The following PRCC variants were observed in gnomAD, a reference collection of about 807,000 sequenced individuals.
PRCC encodes the protein proline-rich protein PRCC.
In PRCC, 10 loss-of-function variants were observed where a neutral mutation model predicts 44.0. The observed-to-expected ratio is 0.23, with a 90% confidence interval of 0.14 to 0.39. The LOEUF (loss-of-function observed/expected upper bound fraction) is 0.39, where lower values mean the gene tolerates loss of function less well. PRCC is among the 10% of genes least tolerant of loss of function. The probability of loss-of-function intolerance (pLI) is 1.00; values close to 1 mark genes in which losing one functional copy is unlikely to be tolerated. For synonymous variants in PRCC, 278 were observed against 259.5 expected (o/e 1.07, Z -0.69); for missense variants, 573 against 624.7 (o/e 0.92, Z 0.88).
intron 4 of PRCC, among the ~76,000 whole-genome samples, chr1:156,793,237 G>A (rs747822554): frequency 6.6e-6 from 1 of 152,150 alleles, no homozygotes; most frequent in Non-Finnish European, 1.5e-5. Flanking sequence ...GTTTCTTTGG[G>A]AACCAACTAA....
chr1:156,786,649 A>G lies in PRCC; in HGVS notation c.558A>G (p.Gln186=), dbSNP rs1264749907. ...EGTGLSALLP[Q]PKNLTVKETN... ...CTGGTTTGTCTGCCTTGCTTCCCCA[A>G]CCTAAAAACCTGACTGTGAAAGAGA... The change falls in exon 3 of 7, where the codon CAA becomes CAG. Residue 186 remains glutamine (Q), a synonymous_variant. Coordinates refer to ENST00000271526, the MANE Select transcript of PRCC (RefSeq NM_005973.5). The G allele has an allele frequency of 1.9e-6, 3 of 1,613,570 alleles. No homozygotes were observed. Among genetic ancestry groups the G allele is most frequent in the Admixed American group, 1.7e-5 (1 of 59,974 alleles).
intron 3 of PRCC, among the ~76,000 whole-genome samples, chr1:156,787,648 G>A (rs7411670): frequency 1.1e-4 from 1 of 9,068 alleles, no homozygotes; most frequent in African/African-American, 2.4e-4. Context: ...TAGGTTTTTG[G>A]CCTTTTTTTT....
At chr1:156,791,590 T>C in intron 3 of PRCC, 107 bp from the exon 4 acceptor site, 1 of 991,406 alleles carries the variant, frequency 1.0e-6, no homozygotes, top group Non-Finnish European at 1.5e-6. Context: ...TATAGCTATC[T>C]CACCATTGCC....
intron 4 of PRCC, among the ~76,000 whole-genome samples, chr1:156,793,871 TTCCACCTTGCC>T: frequency 6.6e-6 from 1 of 152,012 alleles, no homozygotes; most frequent in Non-Finnish European, 1.5e-5. Flanking sequence ...CAAGTGATCC[TTCCACCTTGCC>T]TCCCAAAATG....
chr1:156,792,574 A>G (rs1435930094), intron 4 of PRCC, among the ~76,000 whole-genome samples: 1 of 151,918 alleles, frequency 6.6e-6, no homozygotes, highest in East Asian at 1.9e-4. Context: ...CAGCCTCCTG[A>G]GTAGGAGTAG....
intron 2 of PRCC, among the ~76,000 whole-genome samples, chr1:156,782,621 T>C (rs1292682524): frequency 1.3e-5 from 2 of 152,170 alleles, no homozygotes; most frequent in Non-Finnish European, 2.9e-5. Flanking sequence ...AAAAGGATTA[T>C]TTAGGGAGGG....
chr1:156,774,225 G>GAGTGCAGTGGCTCA (rs1236754813), intron 1 of PRCC, among the ~76,000 whole-genome samples: 1 of 123,038 alleles, frequency 8.1e-6, no homozygotes, highest in Non-Finnish European at 1.6e-5. Flanking sequence ...GCCCAGGCTG[G>GAGTGCAGTGGCTCA]AGTGCAGTGG....
chr1:156,794,722 A>G lies in PRCC; in HGVS notation c.1237A>G (p.Ile413Val). 6.2e-7 allele frequency: 1 copy of G among 1,614,108 alleles called. No homozygotes were observed. Among genetic ancestry groups the G allele is most frequent in the Non-Finnish European group, 8.5e-7 (1 of 1,179,980 alleles). The change falls in exon 5 of 7, where the codon ATC becomes GTC. Residue 413 changes from isoleucine to valine, a missense_variant. Transcript: ENST00000271526. ...GAGAGAAGAAATCAACTTTGTGGAG[A>G]TCAAAGGTGATGACCAGCTCAGTGG... is the stretch of plus-strand genomic sequence containing the variant. ...RGREEINFVE[I>V]KGDDQLSGAQ...
intron 6 of PRCC, among the ~76,000 whole-genome samples, chr1:156,798,118 A>G (rs1011691753): frequency 2.4e-4 from 36 of 152,030 alleles, no homozygotes; most frequent in Non-Finnish European, 1.2e-4. Context: ...TAATTTAACA[A>G]TTTTTTTGTA....
At position 156,787,446 on chromosome 1, in the gene PRCC, GATTGATATATATAT is replaced by G. The variant is rs1467269570; in HGVS notation, c.1083+275_1083+288del. On this transcript the variant is annotated intron_variant, in intron 3 of 6. Coordinates refer to ENST00000271526, the MANE Select transcript of PRCC (RefSeq NM_005973.5). Reference sequence around the variant, plus strand: ...ATCCATAATATTTGTACATATTTGTGATTGATATATATATATATATATATATATATATATATATA... The same window carrying G: ...ATCCATAATATTTGTACATATTTGTGATATATATATATATATATATATATA... 4.0e-4 allele frequency among the ~76,000 whole-genome samples: 45 copies of G among 111,794 alleles called. 2 individuals carry two copies. In the South Asian group the frequency reaches 7.0e-3, roughly 17 times the overall value. 73.3% of individuals were successfully genotyped at this position (111,794 alleles called of 152,430 possible).
chr1:156,786,560 C>T, intron 2 of PRCC, 48 bp from the exon 3 acceptor site: 6 of 1,543,592 alleles, frequency 3.9e-6, no homozygotes, highest in Non-Finnish European at 5.3e-6. Flanking sequence ...TACATAAAAT[C>T]TCACTTGTCA....
chr1:156,791,221 A>G, intron 3 of PRCC: 1 of 1,215,522 alleles, frequency 8.2e-7, no homozygotes, highest in South Asian at 1.3e-5. Flanking sequence ...TAACCTCCCC[A>G]CCCGGTTTAG....
chr1:156,796,790 T>G (rs1652673474), intron 5 of PRCC: 1 of 155,854 alleles, frequency 6.4e-6, no homozygotes, highest in South Asian at 1.9e-4. Flanking sequence ...ACATCTGGCT[T>G]GACTGGGGAG....
In PRCC at chr1:156,775,604, G is replaced by A. The variant is rs1041075904; in HGVS notation, c.469-6678G>A. Among the ~76,000 whole-genome samples the A allele has an allele frequency of 4.2e-4, 64 of 150,702 alleles. No individual in the cohort carries two copies. The East Asian group carries it at 0.011, about 26-fold the overall frequency. ...CAGCTCACTGCAACCGCCGCCTCCCGGGTTCAAGTGATTCTCCTGCCTCAG... is the reference window on the plus strand; with the variant it reads ...CAGCTCACTGCAACCGCCGCCTCCCAGGTTCAAGTGATTCTCCTGCCTCAG... On this transcript the variant is annotated intron_variant, in intron 1 of 6. Coordinates refer to ENST00000271526, the MANE Select transcript of PRCC (RefSeq NM_005973.5).
chr1:156,793,492 G>C (rs3753212), intron 4 of PRCC, among the ~76,000 whole-genome samples: 11 of 146,342 alleles, frequency 7.5e-5, no homozygotes, highest in African/African-American at 1.5e-4. Flanking sequence ...AGTTTACTGG[G>C]CTTTTTTTTT....
rs1290187752 is a variant in PRCC at position 156,768,042 on chromosome 1, C to T, written c.271C>T (p.Pro91Ser). The change falls in exon 1 of 7, where the codon CCC (proline) becomes TCC (serine). Residue 91 changes from proline (P) to serine (S), a missense_variant. Around this residue, in one of 4 missense-constraint regions of PRCC, gnomAD observed 245 missense variants for 188.5 expected, o/e 1.30. Coordinates refer to ENST00000271526, the MANE Select transcript of PRCC (RefSeq NM_005973.5). ...PPLPFGLGGFPPPPGVSPAEA... is the reference protein window; with the variant it reads ...PPLPFGLGGFSPPPGVSPAEA... ...CTTGCCCTTCGGCCTGGGAGGCTTC[C>T]CCCCACCTCCAGGCGTGAGCCCGGC... is the stretch of plus-strand genomic sequence containing the variant. 6 of 1,579,256 alleles carry T rather than the reference C, an allele frequency of 3.8e-6. No homozygotes were observed. The highest frequency in any genetic ancestry group is 4.3e-6 in the Non-Finnish European group (5 of 1,161,456).
intron 6 of PRCC, among the ~76,000 whole-genome samples, chr1:156,797,870 C>G (rs534352801): frequency 3.3e-5 from 5 of 152,314 alleles, no homozygotes; most frequent in East Asian, 1.9e-4. Flanking sequence ...CTTTCAAATA[C>G]AGTTGACCCT....
chr1:156,779,128 ATTTTTTTTTTTTTTTTT>A (rs869088692), intron 1 of PRCC, among the ~76,000 whole-genome samples: 28 of 35,876 alleles, frequency 7.8e-4, no homozygotes, highest in African/African-American at 2.3e-3. Flanking sequence ...ATATATATAT[ATTTTTTTTTTTTTTTTT>A]TTTTTTTTTT....
chr1:156,797,097 T>A, intron 5 of PRCC, 179 bp from the exon 6 acceptor site: 1 of 627,506 alleles, frequency 1.6e-6, no homozygotes, highest in South Asian at 2.0e-5. Context: ...TTTTGTATAA[T>A]GGCTTTAATA....
Sources: allele counts gnomAD v4.1 joint callset (sites outside exome capture counted in the v4.1 genomes callset), GRCh38; gene constraint gnomAD v4.1.1; regional missense constraint gnomAD v4.1.1; transcripts MANE v1.5; gene names NCBI Gene and HGNC (gene_info 2026-07-23, HGNC 2026-07-21).